ANKRD17: variants seen among roughly 807,000 people sequenced by gnomAD.
ANKRD17 encodes ankyrin repeat domain-containing protein 17.
ANKRD17 carries 19 observed loss-of-function variants against 229.7 expected under a neutral mutation model. The ratio of observed to expected loss-of-function variants is 0.08; its 90% confidence interval spans 0.06 to 0.12. ANKRD17 has a LOEUF of 0.12. Ranked by LOEUF, ANKRD17 falls within the 10% of genes least tolerant of loss-of-function variation. ANKRD17 has a pLI of 1.00. For missense variants in ANKRD17, 2,176 were observed against 3,176.8 expected (o/e 0.68, Z 7.57); for synonymous variants, 1,112 against 1,146.1 (o/e 0.97, Z 0.60).
At chr4:73,126,518 C>G (rs1295044014) in intron 16 of ANKRD17, among the ~76,000 whole-genome samples, 1 of 151,950 alleles carries the variant, frequency 6.6e-6, no homozygotes, top group Non-Finnish European at 1.5e-5. Flanking sequence ...GAGAACAAAG[C>G]CCCAAAATAC....
At chr4:73,100,349 T>C (rs1292454582) in intron 25 of ANKRD17, among the ~76,000 whole-genome samples, 1 of 151,662 alleles carries the variant, frequency 6.6e-6, no homozygotes, top group East Asian at 1.9e-4. Flanking sequence ...GAATCGACCA[T>C]AAAGGGTGTA....
At position 73,153,929 on chromosome 4, in the gene ANKRD17, C is replaced by T. The variant is rs377567587; in HGVS notation, c.1185G>A (p.Thr395=). 117 of 1,608,862 alleles carry T rather than the reference C, an allele frequency of 7.3e-5. No homozygotes were observed. Among genetic ancestry groups the T allele is most frequent in the East Asian group, 1.8e-4 (8 of 44,702 alleles). ...LLLENGAGIN[T]HSNEFKESAL... is the part of the protein sequence containing the mutation. The stretch of plus-strand genomic sequence containing the variant: ...CACTCTCTTTAAATTCATTAGAATG[C>T]GTATTAATGCCAGCCCCATTTTCTA... The change falls in exon 6 of 34, where the codon ACG becomes ACA. Residue 395 remains threonine, a synonymous_variant. Transcript: ENST00000358602.
intron 1 of ANKRD17, among the ~76,000 whole-genome samples, chr4:73,192,055 A>C (rs1351513891): frequency 1.3e-5 from 2 of 152,036 alleles, no homozygotes; most frequent in African/African-American, 4.8e-5. Context: ...AAAGGCCTAA[A>C]CCACAACTAT....
chr4:73,102,245 G>A, intron 25 of ANKRD17, 131 bp downstream of exon 25: 1 of 921,506 alleles, frequency 1.1e-6, no homozygotes, highest in Non-Finnish European at 1.6e-6. Flanking sequence ...TTACGGGCGT[G>A]AGCCACTGTG....
At chr4:73,154,383 T>C (rs1731372200) in intron 5 of ANKRD17, among the ~76,000 whole-genome samples, 1 of 152,024 alleles carries the variant, frequency 6.6e-6, no homozygotes, top group East Asian at 1.9e-4. Flanking sequence ...GACTGGGGAG[T>C]TGTAAAAGAA....
chr4:73,164,540 G>A (rs961428299), intron 2 of ANKRD17, among the ~76,000 whole-genome samples: 4 of 152,068 alleles, frequency 2.6e-5, no homozygotes, highest in Non-Finnish European at 4.4e-5. Context: ...GGTGGCTTAC[G>A]CCTGTAATCC....
At position 73,153,902 on chromosome 4, in the gene ANKRD17, G is replaced by T; in HGVS notation, c.1212C>A (p.Ala404=). ...NTHSNEFKES[A]LTLACYKGHL... is the part of the protein sequence containing the mutation. ...TACCTTTGTAACAAGCTAAGGTAAG[G>T]GCACTCTCTTTAAATTCATTAGAAT... is the stretch of plus-strand genomic sequence containing the variant. The change falls in exon 6 of 34, where the codon GCC becomes GCA. Residue 404 remains alanine (A), a synonymous_variant. Transcript: ENST00000358602. 6.2e-7 allele frequency: 1 copy of T among 1,601,950 alleles called. No individual in the cohort carries two copies. Among genetic ancestry groups the T allele is most frequent in the East Asian group, 2.2e-5 (1 of 44,520 alleles).
chr4:73,148,437 T>A (rs1243473664), intron 8 of ANKRD17, among the ~76,000 whole-genome samples: 1 of 152,192 alleles, frequency 6.6e-6, no homozygotes, highest in African/African-American at 2.4e-5. Flanking sequence ...CATACTGTTT[T>A]TTAAAACATT....
At position 73,090,984 on chromosome 4, in the gene ANKRD17, G is replaced by A; in HGVS notation, c.6644C>T (p.Pro2215Leu). The stretch of plus-strand genomic sequence containing the variant: ...GGTCGAAGGTAGCTGGACAGAAGAG[G>A]GAACACTGTGAGGTCTTTTAATGTG... ...VNHIKRPHSV[P>L]SSVQLPSTLS... The change falls in exon 29 of 34, where the codon CCC becomes CTC. Residue 2215 changes from proline to leucine, a missense_variant. Physicochemically the swap from Pro to Leu is moderately conservative, Grantham distance 98. Coordinates refer to ENST00000358602, the MANE Select transcript of ANKRD17 (RefSeq NM_032217.5). 2 of 1,614,192 alleles carry A rather than the reference G, an allele frequency of 1.2e-6. No homozygotes were observed. The highest frequency in any genetic ancestry group is 1.7e-6 in the Non-Finnish European group (2 of 1,180,030).
chr4:73,133,539 C>G (rs535388037), intron 16 of ANKRD17, among the ~76,000 whole-genome samples: 1 of 151,548 alleles, frequency 6.6e-6, no homozygotes, highest in African/African-American at 2.4e-5. Context: ...TACAGGCATG[C>G]GCCACAATGC....
intron 1 of ANKRD17, among the ~76,000 whole-genome samples, chr4:73,204,922 C>CT (rs145349451): frequency 0.22 from 33,937 of 151,912 alleles, 5,030 homozygotes; most frequent in African/African-American, 0.42. Context: ...TCACAAAATA[C>CT]TTTTTTTGTG....
Position 73,147,448 on chromosome 4 carries a change from T to C in ANKRD17, c.1568-16A>G. ...ATATTTGCTCCTAAAATAAAGATTCTAATTATTTAAAGAAAGTCATTAACT... is the reference window on the plus strand; with the variant it reads ...ATATTTGCTCCTAAAATAAAGATTCCAATTATTTAAAGAAAGTCATTAACT... On this transcript the variant is annotated splice_polypyrimidine_tract_variant and intron_variant, in intron 8 of 33. Transcript: ENST00000358602. 1.3e-6 allele frequency: 2 copies of C among 1,500,842 alleles called. No individual in the cohort carries two copies. The highest frequency in any genetic ancestry group is 1.8e-6 in the Non-Finnish European group (2 of 1,124,146). 93.0% of individuals were successfully genotyped at this position (1,500,842 alleles called of 1,614,324 possible).
chr4:73,205,618 G>A (rs1010929630), intron 1 of ANKRD17, among the ~76,000 whole-genome samples: 5 of 152,070 alleles, frequency 3.3e-5, no homozygotes, highest in African/African-American at 1.2e-4. Flanking sequence ...TTAAACATAA[G>A]CACTGAAACT....
chr4:73,106,322 G>A (rs1050227617), intron 24 of ANKRD17, among the ~76,000 whole-genome samples: 9 of 152,072 alleles, frequency 5.9e-5, no homozygotes, highest in African/African-American at 2.2e-4. Flanking sequence ...TCTAATTGAG[G>A]GCTCAGGAAA....
At chr4:73,087,574 A>G (rs142460459) in intron 29 of ANKRD17, among the ~76,000 whole-genome samples, 2 of 152,354 alleles carry the variant, frequency 1.3e-5, no homozygotes, top group East Asian at 3.9e-4. Flanking sequence ...CCAAAGACAC[A>G]TAACAACCAA....
chr4:73,258,714 T>C lies in ANKRD17; in HGVS notation c.-46A>G. 7.1e-7 allele frequency: 1 copy of C among 1,399,400 alleles called. No homozygotes were observed. The highest frequency in any genetic ancestry group is 1.6e-5 in the African/African-American group (1 of 64,268). The allele number at this position is 1,399,400 out of a possible 1,614,324, so 86.7% of individuals were successfully genotyped here. ...CGCGGACGGGGGAGGGGCGTGGGGCTACGCTCTACCGCGACTTCGGCCGCA... is the reference window on the plus strand; with the variant it reads ...CGCGGACGGGGGAGGGGCGTGGGGCCACGCTCTACCGCGACTTCGGCCGCA... On this transcript the variant is annotated 5_prime_UTR_variant, in exon 1 of 34. Coordinates refer to ENST00000358602, the MANE Select transcript of ANKRD17 (RefSeq NM_032217.5).
rs1020485606 is a variant in ANKRD17 at position 73,075,596 on chromosome 4, AAG to A, written c.*633_*634del. ...GCTACAAATAAACCAAAAAGAAAGC[AAG>A]ATGGGTATTTTAAAAGCCAATGTGG... is the stretch of plus-strand genomic sequence containing the variant. On this transcript the variant is annotated 3_prime_UTR_variant, in exon 34 of 34. Coordinates refer to ENST00000358602, the MANE Select transcript of ANKRD17 (RefSeq NM_032217.5). 2 of 152,614 alleles carry A rather than the reference AAG, an allele frequency of 1.3e-5. No individual in the cohort carries two copies. Among genetic ancestry groups the A allele is most frequent in the African/African-American group, 4.8e-5 (2 of 41,450 alleles). The allele number at this position is 152,614 out of a possible 1,614,324, so 9.5% of individuals were successfully genotyped here.
chr4:73,170,930 C>T (rs1733908099), intron 2 of ANKRD17, among the ~76,000 whole-genome samples: 1 of 152,096 alleles, frequency 6.6e-6, no homozygotes. Context: ...TATGAATCAG[C>T]TCAGGGCCTA....
Position 73,182,051 on chromosome 4 carries a change from C to CAAA in ANKRD17, c.394-4521_394-4519dup, listed in dbSNP as rs143812968. 2.0e-3 allele frequency among the ~76,000 whole-genome samples: 85 copies of CAAA among 43,262 alleles called. 5 individuals carry two copies. The highest frequency in any genetic ancestry group is 2.6e-3 in the Non-Finnish European group (70 of 27,450). 28.4% of individuals were successfully genotyped at this position (43,262 alleles called of 152,430 possible). ...CGACAGAGCAAGACTCCGTCCCCAC[C>CAAA]AAAAAAAAAAAAAAAAAAAAAAAAA... On this transcript the variant is annotated intron_variant, in intron 1 of 33. Transcript: ENST00000358602.
Sources: allele counts gnomAD v4.1 joint callset (sites outside exome capture counted in the v4.1 genomes callset), GRCh38; gene constraint gnomAD v4.1.1; transcripts MANE v1.5; gene names NCBI Gene and HGNC (gene_info 2026-07-23, HGNC 2026-07-21).